DPH7: variants seen among roughly 807,000 people sequenced by gnomAD.
DPH7 encodes diphthine methyltransferase.
DPH7 carries 44 observed loss-of-function variants against 41.7 expected under a neutral mutation model. The observed-to-expected ratio is 1.05, with a 90% CI of 0.83 to 1.36. The LOEUF is 1.36. DPH7 is among the 40% of genes most tolerant of loss of function. DPH7 has a pLI of 0.00. For missense variants in DPH7, 629 were observed against 577.5 expected, an observed-to-expected ratio of 1.09 and a Z score of -0.91; for synonymous variants, 275 against 238.0, an observed-to-expected ratio of 1.16 and a Z score of -1.43.
At chr9:137,564,150 A>C (rs917565618) in intron 8 of DPH7, among the ~76,000 whole-genome samples, 1 of 152,148 alleles carries the variant, frequency 6.6e-6, no homozygotes, top group Non-Finnish European at 1.5e-5. Context: ...AAGCCTCCAG[A>C]CTAGAGGTCC....
At chr9:137,573,599 C>T (rs1221868941) in intron 5 of DPH7, among the ~76,000 whole-genome samples, 3 of 132,686 alleles carry the variant, frequency 2.3e-5, no homozygotes, top group Non-Finnish European at 1.5e-5. Flanking sequence ...AGGAGAATGG[C>T]GTGAACCCAG....
Position 137,564,540 on chromosome 9 carries a change from C to A in DPH7, c.843G>T (p.Val281=), listed in dbSNP as rs1341681079. Reference sequence around the variant, plus strand: ...ACTTGATTCTCCATACCCCACCCTGCACAGGCGTATCTGCCAACGGCTGCT... The same window carrying A: ...ACTTGATTCTCCATACCCCACCCTGAACAGGCGTATCTGCCAACGGCTGCT... ...NMKQPLADTP[V]QGGVWRIKWH... The change falls in exon 8 of 9, where the codon GTG becomes GTT. Residue 281 remains valine (V), a synonymous_variant. Coordinates refer to ENST00000277540, the MANE Select transcript of DPH7 (RefSeq NM_138778.5). 1 of 1,614,000 alleles carries A rather than the reference C, an allele frequency of 6.2e-7. No individual in the cohort carries two copies. Among genetic ancestry groups the A allele is most frequent in the African/African-American group, 1.3e-5 (1 of 74,918 alleles).
rs775475859 is a variant in DPH7, at chr9:137,555,428, G to A, written c.1170C>T (p.Ala390=). ...GTGGCTTCATTCCACTCTGGGGTCT[G>A]GCATGGCCCTCCCCATCGTTATCCT... ...CREDNDGEGH[A]RPQSGMKPLT... is the part of the protein sequence containing the mutation. The change falls in exon 9 of 9, where the codon GCC becomes GCT. Residue 390 remains alanine, a synonymous_variant. Coordinates refer to ENST00000277540, the MANE Select transcript of DPH7 (RefSeq NM_138778.5). 1 of 1,614,128 alleles carries A rather than the reference G, an allele frequency of 6.2e-7. No individual in the cohort carries two copies. The highest frequency in any genetic ancestry group is 1.7e-5 in the Admixed American group (1 of 60,014).
intron 3 of DPH7, 38 bp from the exon 4 acceptor site, chr9:137,574,881 C>T: frequency 6.2e-7 from 1 of 1,611,644 alleles, no homozygotes; most frequent in Admixed American, 1.7e-5. Context: ...AGGGAAGTAG[C>T]CGCCCCAGAA....
chr9:137,570,948 A>G (rs1840325858), intron 5 of DPH7, among the ~76,000 whole-genome samples: 1 of 152,072 alleles, frequency 6.6e-6, no homozygotes, highest in Admixed American at 6.5e-5. Flanking sequence ...CCTTGTGTTT[A>G]CTGTCTGTCT....
chr9:137,565,189 T>G (rs2133006188), intron 5 of DPH7, 35 bp from the exon 6 acceptor site: 1 of 1,607,010 alleles, frequency 6.2e-7, no homozygotes, highest in East Asian at 2.2e-5. Flanking sequence ...ACACCACTAA[T>G]GACAGGAAAT....
Position 137,578,882 on chromosome 9 carries a change from G to C in DPH7, c.-105C>G. ...GGCCGGGGCCGGCCGGACGAGCGCA[G>C]AGCCCCAGGGACACCGTCAGCGCGG... On this transcript the variant is annotated 5_prime_UTR_variant, in exon 1 of 9. Coordinates refer to ENST00000277540, the MANE Select transcript of DPH7 (RefSeq NM_138778.5). 1 of 1,179,470 alleles carries C rather than the reference G, an allele frequency of 8.5e-7. No individual in the cohort carries two copies. The highest frequency in any genetic ancestry group is 1.1e-6 in the Non-Finnish European group (1 of 922,864). The allele number at this position is 1,179,470 out of a possible 1,614,324, so 73.1% of individuals were successfully genotyped here. A position where few individuals can be genotyped will look rare whatever the true frequency, so the allele number is the denominator to read the frequency against.
Position 137,574,220 on chromosome 9 carries a change from T to C in DPH7, c.628A>G (p.Ile210Val). Residue 210 changes from isoleucine (I) to valine (V), a missense_variant, in exon 5 of 9, where the codon ATT becomes GTT. Transcript: ENST00000277540. ...IAAFNYWHPE[I>V]VYSGGDDGLL... is the part of the protein sequence containing the mutation. ...GAGGAATACTGACCTGAATACACAA[T>C]TTCTGGATGCCAGTAATTGAAAGCA... is the stretch of plus-strand genomic sequence containing the variant. 6.2e-7 allele frequency: 1 copy of C among 1,614,130 alleles called. No homozygotes were observed. The highest frequency in any genetic ancestry group is 1.1e-5 in the South Asian group (1 of 91,082).
intron 3 of DPH7, chr9:137,575,369 C>T (rs1841199753): frequency 1.0e-6 from 1 of 988,168 alleles, no homozygotes; most frequent in Non-Finnish European, 1.2e-6. Flanking sequence ...TAACTCCATC[C>T]CTGCTCCCAG....
intron 5 of DPH7, among the ~76,000 whole-genome samples, chr9:137,572,333 G>T (rs1400264606): frequency 2.0e-5 from 3 of 152,234 alleles, no homozygotes; most frequent in African/African-American, 4.8e-5. Flanking sequence ...AGAAGCAGGC[G>T]TGGACCAGAT....
Position 137,555,044 on chromosome 9 carries a change from C to A in DPH7, c.*195G>T. On this transcript the variant is annotated 3_prime_UTR_variant, in exon 9 of 9. Transcript: ENST00000277540. ...CCCACTCTCTGCCAGACAGAATCAC[C>A]CAGTCCACTTTCAGGGGCCCAGCAG... 1 of 581,022 alleles carries A rather than the reference C, an allele frequency of 1.7e-6. No individual in the cohort carries two copies. The highest frequency in any genetic ancestry group is 4.2e-5 in the South Asian group (1 of 23,862). The allele number at this position is 581,022 out of a possible 1,614,324, so 36.0% of individuals were successfully genotyped here.
rs114394006 is a variant in DPH7, at chr9:137,574,424, C to T, written c.468-44G>A. On this transcript the variant is annotated intron_variant, in intron 4 of 8. Coordinates refer to ENST00000277540, the MANE Select transcript of DPH7 (RefSeq NM_138778.5). ...TGAAGAAGCCCGGCAGAATGTTATT[C>T]GTCAGCCTCTTCTGGTTCCCAAACA... The T allele has an allele frequency of 1.8e-4, 288 of 1,597,534 alleles. No homozygotes were observed. In the African/African-American group the frequency reaches 3.0e-3, roughly 17 times the overall value.
At position 137,578,809 on chromosome 9, in the gene DPH7, G is replaced by C; in HGVS notation, c.-32C>G. The C allele has an allele frequency of 2.1e-6, 3 of 1,408,194 alleles. No individual in the cohort carries two copies. The highest frequency in any genetic ancestry group is 2.8e-6 in the Non-Finnish European group (3 of 1,077,180). 87.2% of individuals were successfully genotyped at this position (1,408,194 alleles called of 1,614,324 possible). On this transcript the variant is annotated 5_prime_UTR_variant, in exon 1 of 9. Coordinates refer to ENST00000277540, the MANE Select transcript of DPH7 (RefSeq NM_138778.5). ...CTCGGGGAAGGGCGCGGAGCCGGCA[G>C]TAGAGGCGGGTCGGCGGGGCCGGGC...
rs376340762 is a variant in DPH7, at chr9:137,576,195, C to A, written c.288-28G>T. The A allele has an allele frequency of 2.9e-5, 47 of 1,601,286 alleles. No homozygotes were observed. The African/African-American group carries it at 3.1e-4, about 10-fold the overall frequency. On this transcript the variant is annotated intron_variant, in intron 2 of 8. Transcript: ENST00000277540. ...GAGGAGAGGGCCCACCATAAGCACA[C>A]CAATGTGCCCGGAGCACAGGCGTGC...
At chr9:137,574,597 G>A in intron 4 of DPH7, 155 bp downstream of exon 4, 4 of 869,898 alleles carry the variant, frequency 4.6e-6, no homozygotes, top group Non-Finnish European at 7.2e-6. Flanking sequence ...ATCTAAAATG[G>A]GGGACCTTTT....
chr9:137,558,361 C>T (rs1042728768), intron 8 of DPH7, among the ~76,000 whole-genome samples: 5 of 151,988 alleles, frequency 3.3e-5, no homozygotes, highest in Non-Finnish European at 5.9e-5. Flanking sequence ...TCCACCACTG[C>T]GCTCCCACCT....
chr9:137,578,456 G>A, intron 1 of DPH7, 169 bp downstream of exon 1: 2 of 831,598 alleles, frequency 2.4e-6, no homozygotes, highest in Non-Finnish European at 3.4e-6. Flanking sequence ...GTGAGCCACT[G>A]CGCCCGGCCG....
intron 5 of DPH7, among the ~76,000 whole-genome samples, chr9:137,570,737 T>C (rs1840289116): frequency 6.6e-6 from 1 of 152,192 alleles, no homozygotes; most frequent in African/African-American, 2.4e-5. Flanking sequence ...ATCCTAACCA[T>C]GCTGGCTACT....
At chr9:137,555,818 G>A (rs565992898) in intron 8 of DPH7, among the ~76,000 whole-genome samples, 170 bp from the exon 9 acceptor site, 1 of 152,308 alleles carries the variant, frequency 6.6e-6, no homozygotes, top group East Asian at 1.9e-4. Context: ...GGCATATGTT[G>A]GAGAAGAAAC....
Sources: gnomAD v4.1 joint callset for allele counts (sites outside exome capture counted in the v4.1 genomes callset) on GRCh38, gnomAD v4.1.1 for gene constraint, MANE v1.5 for transcripts, NCBI Gene and HGNC (gene_info 2026-07-23, HGNC 2026-07-21) for gene names.